The following MRPL32 variants were observed in gnomAD, a reference collection of about 807,000 sequenced individuals.
MRPL32 encodes mitochondrial ribosomal protein L32.
Under a neutral mutation model 21.7 loss-of-function variants are expected in MRPL32, and 14 were observed. The ratio of observed to expected loss-of-function variants is 0.64; its 90% CI spans 0.43 to 1.01. The LOEUF (loss-of-function observed/expected upper bound fraction) is 1.01, where lower values mean the gene tolerates loss of function less well. Ranked by LOEUF, MRPL32 falls within the 50% of genes least tolerant of loss-of-function variation. The pLI, the probability that MRPL32 is intolerant of heterozygous loss-of-function variation, is 0.00. For synonymous variants in MRPL32, 83 were observed against 87.7 expected (o/e 0.95, Z 0.30); for missense variants, 211 against 235.9 (o/e 0.89, Z 0.69).
chr7:42,933,539 T>A (rs1786368583), intron 1 of MRPL32, among the ~76,000 whole-genome samples: 1 of 145,050 alleles, frequency 6.9e-6, no homozygotes, highest in South Asian at 2.4e-4. Flanking sequence ...GCGCAGTACA[T>A]GTTTTCTGTG....
At position 42,937,556 on chromosome 7, in the gene MRPL32, T is replaced by C; in HGVS notation, c.547T>C (p.Ser183Pro). Reference sequence around the variant, plus strand: ...CATTGAACGAGACAGAAAGCGACCATCCTGGTTCACCCAGAATTGACACCA... The same window carrying C: ...CATTGAACGAGACAGAAAGCGACCACCCTGGTTCACCCAGAATTGACACCA... ...RIIERDRKRP[S>P]WFTQN The change falls in exon 3 of 3, where the codon TCC becomes CCC. Residue 183 changes from serine to proline, a missense_variant. By Grantham distance (74) the Ser-to-Pro change is moderately conservative. Transcript: ENST00000223324. 1 of 1,609,822 alleles carries C rather than the reference T, an allele frequency of 6.2e-7. No homozygotes were observed.
Position 42,932,431 on chromosome 7 carries a change from G to C in MRPL32, c.45G>C (p.Ala15=). Reference sequence around the variant, plus strand: ...TCTTGGTGGTTTCGCCGTGGTCTGCGGCCCGGGGAGTGCTTCGAAACTACT... The same window carrying C: ...TCTTGGTGGTTTCGCCGTGGTCTGCCGCCCGGGGAGTGCTTCGAAACTACT... ...MLVLVVSPWS[A]ARGVLRNYWE... is the part of the protein sequence containing the mutation. The change falls in exon 1 of 3, where the codon GCG becomes GCC. Residue 15 remains alanine, a synonymous_variant. Coordinates refer to ENST00000223324, the MANE Select transcript of MRPL32 (RefSeq NM_031903.3). 1 of 1,611,934 alleles carries C rather than the reference G, an allele frequency of 6.2e-7. No homozygotes were observed.
At chr7:42,935,824 CT>C (rs1246827324) in intron 2 of MRPL32, 1 of 152,120 alleles carries the variant, frequency 6.6e-6, no homozygotes, top group African/African-American at 2.4e-5. Context: ...TAAAGATTTT[CT>C]TTGTGTTCTC....
rs200519012 is a variant in MRPL32 at position 42,937,425 on chromosome 7, G to A, written c.416G>A (p.Arg139Gln). 1.7e-5 allele frequency: 28 copies of A among 1,614,132 alleles called. No homozygotes were observed. Among genetic ancestry groups the A allele is most frequent in the South Asian group, 4.4e-5 (4 of 91,074 alleles). ...TGCAAGGAGACTGCAGAAATCAGAC[G>A]ACAGATAGGGAAGCAAGAAGGGGGC... ...KVCKETAEIRRQIGKQEGGPF... is the reference protein window; with the variant it reads ...KVCKETAEIRQQIGKQEGGPF... Residue 139 changes from arginine (R) to glutamine (Q), a missense_variant, in exon 3 of 3, where the codon CGA becomes CAA. Transcript: ENST00000223324.
chr7:42,935,133 TA>T lies in MRPL32; in HGVS notation c.311del (p.Lys104ArgfsTer4). ...GAAATCCGCAGAAGCTTATTAAAGT[TA>T]AGGTAATGCATTGATTTTTGTGGGT... Reference protein sequence around the residue: ...RRNPQKLIKVKNNIDVCPECG... With the variant: ...RRNPQKLIKVXNNIDVCPECG... On this transcript the variant is annotated frameshift_variant and splice_region_variant, in exon 2 of 3. Transcript: ENST00000223324. LOFTEE classifies it high-confidence loss of function. 6.2e-7 allele frequency: 1 copy of T among 1,609,890 alleles called. No homozygotes were observed. Among genetic ancestry groups the T allele is most frequent in the Non-Finnish European group, 8.5e-7 (1 of 1,178,544 alleles).
At chr7:42,932,693 C>G (rs994800038) in intron 1 of MRPL32, among the ~76,000 whole-genome samples, 177 bp downstream of exon 1, 45 of 75,146 alleles carry the variant, frequency 6.0e-4, no homozygotes, top group Non-Finnish European at 1.2e-3. Context: ...TTTGCGCTCC[C>G]TCCACCGCAA....
At position 42,934,293 on chromosome 7, in the gene MRPL32, C is replaced by T. The variant is rs552809369; in HGVS notation, c.131-662C>T. ...AAAAAAAAAAAAAAAAAGTATGGCA[C>T]GTCTAAGAAATAGCAAGGAAAGGGT... On this transcript the variant is annotated intron_variant, in intron 1 of 2. Transcript: ENST00000223324. Among the ~76,000 whole-genome samples, 8 of 150,202 alleles carry T rather than the reference C, an allele frequency of 5.3e-5. No homozygotes were observed. The South Asian group carries it at 1.5e-3, about 28-fold the overall frequency.
At chr7:42,937,153 C>A (rs767936017) in intron 2 of MRPL32, 169 bp from the exon 3 acceptor site, 22 of 1,523,438 alleles carry the variant, frequency 1.4e-5, no homozygotes, top group Non-Finnish European at 1.8e-5. Context: ...CTCAGTGTTG[C>A]TTGTCTTCAG....
chr7:42,934,139 A>ACG (rs1786383148), intron 1 of MRPL32, among the ~76,000 whole-genome samples: 1 of 151,920 alleles, frequency 6.6e-6, no homozygotes, highest in Non-Finnish European at 1.5e-5. Flanking sequence ...GTGGTGGTGC[A>ACG]CACCTGTAAT....
rs1356845799 is a variant in MRPL32 at position 42,932,437 on chromosome 7, G to C, written c.51G>C (p.Arg17=). 6.2e-7 allele frequency: 1 copy of C among 1,612,922 alleles called. No homozygotes were observed. The highest frequency in any genetic ancestry group is 8.5e-7 in the Non-Finnish European group (1 of 1,179,216). ...VLVVSPWSAA[R]GVLRNYWERL... ...TGGTTTCGCCGTGGTCTGCGGCCCG[G>C]GGAGTGCTTCGAAACTACTGGGAGC... The change falls in exon 1 of 3, where the codon CGG becomes CGC. Residue 17 remains arginine (R), a synonymous_variant. Transcript: ENST00000223324.
Position 42,935,029 on chromosome 7 carries a change from T to A in MRPL32, c.205T>A (p.Ser69Thr). Residue 69 changes from serine (S) to threonine (T), a missense_variant, in exon 2 of 3, where the codon TCC becomes ACC. Physicochemically the swap from Ser to Thr is moderately conservative, Grantham distance 58. Coordinates refer to ENST00000223324, the MANE Select transcript of MRPL32 (RefSeq NM_031903.3). ...ANDTSGSKEN[S>T]SLLDSIFWMA... ...TGATACCAGTGGAAGTAAAGAGAAT[T>A]CCAGCCTTTTGGACAGTATCTTTTG... 1.9e-6 allele frequency: 3 copies of A among 1,614,058 alleles called. 1 individual carries two copies. In the South Asian group the frequency reaches 3.3e-5, roughly 18 times the overall value.
At chr7:42,937,292 T>TA in intron 2 of MRPL32, 30 bp from the exon 3 acceptor site, 18 of 1,612,680 alleles carry the variant, frequency 1.1e-5, no homozygotes, top group Non-Finnish European at 1.4e-5. Flanking sequence ...TGCCTCATGT[T>TA]AAAATACGTT....
intron 2 of MRPL32, 75 bp downstream of exon 2, chr7:42,935,211 C>A: frequency 2.4e-6 from 3 of 1,246,664 alleles, no homozygotes; most frequent in Non-Finnish European, 3.4e-6. Context: ...ATTCCTATAG[C>A]CTAGGAATAA....
chr7:42,935,424 C>A, intron 2 of MRPL32: 1 of 231,494 alleles, frequency 4.3e-6, no homozygotes, highest in Non-Finnish European at 8.4e-6. Context: ...TGAGCTGTGT[C>A]AGTCTTGAGC....
Position 42,933,508 on chromosome 7 carries a change from C to T in MRPL32, c.130+992C>T, listed in dbSNP as rs577583681. Among the ~76,000 whole-genome samples, 185 of 151,288 alleles carry T rather than the reference C, an allele frequency of 1.2e-3. 6 individuals carry two copies. In the South Asian group the frequency reaches 0.038, roughly 31 times the overall value. On this transcript the variant is annotated intron_variant, in intron 1 of 2. Coordinates refer to ENST00000223324, the MANE Select transcript of MRPL32 (RefSeq NM_031903.3). ...TCCCTTCCCTTCCCTCCCTTCTTTC[C>T]TCCCTTCCTCCCTCCCTCCCGCGCA...
intron 1 of MRPL32, among the ~76,000 whole-genome samples, chr7:42,933,474 C>G (rs537772839): frequency 6.6e-6 from 1 of 151,314 alleles, no homozygotes; most frequent in South Asian, 2.1e-4. Context: ...CCTCTCCCCC[C>G]TCTCCTCTTC....
intron 1 of MRPL32, among the ~76,000 whole-genome samples, chr7:42,934,488 A>G (rs947657527): frequency 1.3e-5 from 2 of 152,152 alleles, no homozygotes; most frequent in Admixed American, 1.3e-4. Flanking sequence ...ATCATAAAGG[A>G]CCTGACTCAG....
chr7:42,932,443 G>A lies in MRPL32; in HGVS notation c.57G>A (p.Val19=). The A allele has an allele frequency of 6.2e-7, 1 of 1,612,952 alleles. No homozygotes were observed. The highest frequency in any genetic ancestry group is 2.2e-5 in the East Asian group (1 of 44,832). ...CGCCGTGGTCTGCGGCCCGGGGAGTGCTTCGAAACTACTGGGAGCGACTGC... is the reference window on the plus strand; with the variant it reads ...CGCCGTGGTCTGCGGCCCGGGGAGTACTTCGAAACTACTGGGAGCGACTGC... ...VVSPWSAARG[V]LRNYWERLLR... is the part of the protein sequence containing the mutation. The change falls in exon 1 of 3, where the codon GTG becomes GTA. Residue 19 remains valine (V), a synonymous_variant. Coordinates refer to ENST00000223324, the MANE Select transcript of MRPL32 (RefSeq NM_031903.3).
At chr7:42,933,024 C>T (rs781163188) in intron 1 of MRPL32, among the ~76,000 whole-genome samples, 1 of 152,108 alleles carries the variant, frequency 6.6e-6, no homozygotes, top group Non-Finnish European at 1.5e-5. Context: ...TTCTATCCTC[C>T]CGCAGAGACT....
Sources: gnomAD v4.1 joint callset for allele counts (sites outside exome capture counted in the v4.1 genomes callset) on GRCh38, gnomAD v4.1.1 for gene constraint, MANE v1.5 for transcripts, NCBI Gene and HGNC (gene_info 2026-07-23, HGNC 2026-07-21) for gene names.